The following ADGRL3 variants were observed in gnomAD, a reference collection of about 807,000 sequenced individuals.
ADGRL3 encodes the protein calcium-independent alpha-latrotoxin receptor 3.
In ADGRL3, 62 loss-of-function variants were observed where a neutral mutation model predicts 153.5. That is an observed-to-expected ratio of 0.40 (90% CI 0.33 to 0.50). The LOEUF (loss-of-function observed/expected upper bound fraction) is 0.50. Among genes scored for constraint, ADGRL3 ranks in the 20% least tolerant of loss-of-function variants. The probability of loss-of-function intolerance (pLI) is 0.47; values close to 1 mark genes in which losing one functional copy is unlikely to be tolerated. For missense variants in ADGRL3, 1,641 were observed against 1,859.4 expected, an observed-to-expected ratio of 0.88 and a Z score of 2.16; for synonymous variants, 710 against 672.5, an observed-to-expected ratio of 1.06 and a Z score of -0.86.
chr4:61,237,654 C>T (rs1753345307), intron 1 of ADGRL3, among the ~76,000 whole-genome samples: 1 of 152,102 alleles, frequency 6.6e-6, no homozygotes, highest in Non-Finnish European at 1.5e-5. Context: ...AGCTGTAAAA[C>T]AATTAATACA....
intron 2 of ADGRL3, among the ~76,000 whole-genome samples, chr4:61,430,469 T>C (rs753751726): frequency 1.1e-4 from 17 of 152,320 alleles, no homozygotes; most frequent in African/African-American, 2.4e-4. Context: ...CAATTTAAAG[T>C]ACCACCACTG....
At position 61,395,078 on chromosome 4, in the gene ADGRL3, G is replaced by A. The variant is rs139207526; in HGVS notation, c.-174+11889G>A. 1.5e-3 allele frequency among the ~76,000 whole-genome samples: 225 copies of A among 151,972 alleles called. 1 individual carries two copies. Among genetic ancestry groups the A allele is most frequent in the Non-Finnish European group, 2.5e-3 (170 of 67,854 alleles). On this transcript the variant is annotated intron_variant, in intron 2 of 26. Coordinates refer to ENST00000683033, the MANE Select transcript of ADGRL3 (RefSeq NM_001387552.1). ...ACAAATAAAAATTTTAATAGATTACGTTTCATTTCAATTTAATTTCATACC... is the reference window on the plus strand; with the variant it reads ...ACAAATAAAAATTTTAATAGATTACATTTCATTTCAATTTAATTTCATACC...
chr4:61,950,387 A>C (rs1306545496), intron 17 of ADGRL3, among the ~76,000 whole-genome samples: 1 of 152,206 alleles, frequency 6.6e-6, no homozygotes, highest in Non-Finnish European at 1.5e-5. Context: ...GCTGTATATT[A>C]AGAGATTAAT....
At chr4:62,057,263 C>A (rs1007165838) in intron 25 of ADGRL3, among the ~76,000 whole-genome samples, 19 of 152,112 alleles carry the variant, frequency 1.2e-4, no homozygotes, top group Non-Finnish European at 2.2e-4. Context: ...TACACTGAAC[C>A]ATCCCAGACA....
intron 18 of ADGRL3, among the ~76,000 whole-genome samples, chr4:61,982,129 G>T (rs768019593): frequency 1.3e-5 from 2 of 152,120 alleles, no homozygotes; most frequent in Non-Finnish European, 2.9e-5. Flanking sequence ...TTCAAATGCT[G>T]TGTGATTTCT....
chr4:61,956,478 C>T (rs76980176), intron 17 of ADGRL3, among the ~76,000 whole-genome samples: 1 of 151,992 alleles, frequency 6.6e-6, no homozygotes, highest in Non-Finnish European at 1.5e-5. Flanking sequence ...CTCTCCTAAT[C>T]TGTAGGTCAC....
At chr4:61,430,188 A>G (rs974625808) in intron 2 of ADGRL3, among the ~76,000 whole-genome samples, 2 of 152,176 alleles carry the variant, frequency 1.3e-5, no homozygotes, top group Non-Finnish European at 2.9e-5. Flanking sequence ...AATTAATAGA[A>G]AAATATCCTA....
intron 6 of ADGRL3, among the ~76,000 whole-genome samples, chr4:61,697,379 G>T (rs1033286378): frequency 6.6e-6 from 1 of 151,936 alleles, no homozygotes; most frequent in Non-Finnish European, 1.5e-5. Context: ...TGGCCAACAT[G>T]GTGAAACCCT....
At chr4:61,836,916 T>C (rs1292681508) in intron 9 of ADGRL3, among the ~76,000 whole-genome samples, 2 of 152,118 alleles carry the variant, frequency 1.3e-5, no homozygotes, top group Admixed American at 1.3e-4. Flanking sequence ...GAAATATCAT[T>C]AGAAATTGCA....
At chr4:61,919,796 T>C (rs1028849073) in intron 13 of ADGRL3, among the ~76,000 whole-genome samples, 1 of 152,184 alleles carries the variant, frequency 6.6e-6, no homozygotes, top group Non-Finnish European at 1.5e-5. Context: ...ACAATTCCCC[T>C]GGCGAATGTG....
chr4:61,469,729 C>T (rs1486089564), intron 2 of ADGRL3, among the ~76,000 whole-genome samples: 1 of 151,896 alleles, frequency 6.6e-6, no homozygotes, highest in Non-Finnish European at 1.5e-5. Context: ...TTATAGTTTA[C>T]AGCGTAAGAA....
At position 61,202,663 on chromosome 4, in the gene ADGRL3, C is replaced by T. The variant is rs980033989; in HGVS notation, c.-240+898C>T. On this transcript the variant is annotated intron_variant, in intron 1 of 26. Coordinates refer to ENST00000683033, the MANE Select transcript of ADGRL3 (RefSeq NM_001387552.1). This position sits in a 1 kb window ranked among gnomAD's most constrained non-coding sequence, Gnocchi z 5.0. ...GGGAAGGCTCCAGGCTGCAGCGCAG[C>T]GTCTGAGCTGCCGCGACCCAGCCTC... 2.7e-4 allele frequency among the ~76,000 whole-genome samples: 41 copies of T among 152,264 alleles called. No homozygotes were observed. The highest frequency in any genetic ancestry group is 8.9e-4 in the African/African-American group (37 of 41,566).
At position 62,078,137 on chromosome 4, in the gene ADGRL3, C is replaced by T. The variant is rs1460519560; in HGVS notation, c.*7229C>T. 6.6e-6 allele frequency: 1 copy of T among 151,988 alleles called. No homozygotes were observed. The highest frequency in any genetic ancestry group is 1.5e-5 in the Non-Finnish European group (1 of 67,930). The allele number at this position is 151,988 out of a possible 1,614,324, so 9.4% of individuals were successfully genotyped here. A position where few individuals can be genotyped will look rare whatever the true frequency, so the allele number is the denominator to read the frequency against. On this transcript the variant is annotated 3_prime_UTR_variant, in exon 27 of 27. Transcript: ENST00000683033. The stretch of plus-strand genomic sequence containing the variant: ...TCACTTTTTAGAAACAAGAATATAG[C>T]TATTGTGGCTTTGGTCGCTTAGGAT...
At chr4:61,893,737 G>A (rs1327956865) in intron 10 of ADGRL3, among the ~76,000 whole-genome samples, 1 of 137,286 alleles carries the variant, frequency 7.3e-6, no homozygotes, top group African/African-American at 2.8e-5. Context: ...TTTTGAGACG[G>A]AGTCTCACTC....
At chr4:61,738,859 A>G (rs1003513925) in intron 8 of ADGRL3, among the ~76,000 whole-genome samples, 2 of 152,226 alleles carry the variant, frequency 1.3e-5, no homozygotes, top group Admixed American at 1.3e-4. Flanking sequence ...TGTATTTAAA[A>G]TGCTTTCAGA....
At chr4:61,905,628 T>A (rs925002901) in intron 11 of ADGRL3, among the ~76,000 whole-genome samples, 1 of 152,094 alleles carries the variant, frequency 6.6e-6, no homozygotes, top group Non-Finnish European at 1.5e-5. Context: ...GGTGCAGTAG[T>A]TCACGCCTAT....
chr4:61,927,921 TG>T (rs1333674003), intron 13 of ADGRL3, among the ~76,000 whole-genome samples: 2 of 151,958 alleles, frequency 1.3e-5, no homozygotes, highest in African/African-American at 2.4e-5. Flanking sequence ...CTATCTACAG[TG>T]TATACATTCA....
intron 1 of ADGRL3, among the ~76,000 whole-genome samples, chr4:61,353,089 A>G (rs1235345036): frequency 6.6e-6 from 1 of 152,170 alleles, no homozygotes; most frequent in Non-Finnish European, 1.5e-5. Context: ...AGAATTTCCC[A>G]GAAGGAGGAG....
chr4:62,070,120 A>G lies in ADGRL3; in HGVS notation c.3844A>G (p.Asn1282Asp). The G allele has an allele frequency of 6.2e-7, 1 of 1,613,008 alleles. No homozygotes were observed. The highest frequency in any genetic ancestry group is 8.5e-7 in the Non-Finnish European group (1 of 1,179,246). ...EPYRETKGLL[N>D]NARDTSVMDT... ...GTAATCTTTTTCAGAGGGGCTTCTG[A>G]ACAATGCCAGGGATACAAGTGTCAT... is the stretch of plus-strand genomic sequence containing the variant. Residue 1282 changes from asparagine (N) to aspartate (D), a missense_variant, in exon 27 of 27, where the codon AAC becomes GAC. By Grantham distance (23) the Asn-to-Asp change is conservative. Around this residue, in one of 5 missense-constraint regions of ADGRL3, gnomAD observed 517 missense variants for 555.0 expected, o/e 0.93. Transcript: ENST00000683033.
Sources: gnomAD v4.1 joint callset for allele counts (sites outside exome capture counted in the v4.1 genomes callset) on GRCh38, gnomAD v4.1.1 for gene constraint, gnomAD v4.1.1 regional missense constraint, Gnocchi (gnomAD v3.1) non-coding constraint, MANE v1.5 for transcripts, NCBI Gene and HGNC (gene_info 2026-07-23, HGNC 2026-07-21) for gene names.